DRC11: variants seen among roughly 807,000 people sequenced by gnomAD.
DRC11 encodes the protein IQ and AAA domain-containing protein 1.
chr2:236,366,733 A>T, the DRC11 span, among the ~76,000 whole-genome samples: 1 of 141,028 alleles, frequency 7.1e-6, no homozygotes, highest in Non-Finnish European at 1.6e-5. Context: ...TCCCTTCCAA[A>T]CTTGTTGGCT....
chr2:236,484,789 G>A, the DRC11 span, among the ~76,000 whole-genome samples: 13 of 152,088 alleles, frequency 8.5e-5, no homozygotes, highest in South Asian at 2.1e-4. Context: ...CTTTTCTTTC[G>A]TTAGCATGGA....
the DRC11 span, among the ~76,000 whole-genome samples, chr2:236,443,977 G>A: frequency 7.1e-6 from 1 of 140,516 alleles, no homozygotes; most frequent in Non-Finnish European, 1.5e-5. This position sits in a 1 kb window ranked among gnomAD's most constrained non-coding sequence, Gnocchi z 4.4. Flanking sequence ...TTGGCCACAT[G>A]AATTTTTTTT....
chr2:236,365,777 A>G, the DRC11 span, among the ~76,000 whole-genome samples: 2 of 152,138 alleles, frequency 1.3e-5, no homozygotes, highest in Non-Finnish European at 2.9e-5. This position sits in a 1 kb window ranked among gnomAD's most constrained non-coding sequence, Gnocchi z 7.4. Context: ...GGCTGACCTC[A>G]GGGAGGACAA....
chr2:236,437,530 A>T, the DRC11 span, among the ~76,000 whole-genome samples: 1 of 151,388 alleles, frequency 6.6e-6, no homozygotes, highest in African/African-American at 2.4e-5. Flanking sequence ...GACTTCCACA[A>T]TGGTTGAACT....
At chr2:236,399,418 T>A in the DRC11 span, 1 of 1,613,696 alleles carries the variant, frequency 6.2e-7, no homozygotes, top group Non-Finnish European at 8.5e-7. This position sits in a 1 kb window ranked among gnomAD's most constrained non-coding sequence, Gnocchi z 7.0. Flanking sequence ...CTGACCTTTG[T>A]ATGCGTTACA....
At chr2:236,473,286 A>G in the DRC11 span, among the ~76,000 whole-genome samples, 5 of 152,200 alleles carry the variant, frequency 3.3e-5, no homozygotes, top group African/African-American at 1.2e-4. This position sits in a 1 kb window ranked among gnomAD's most constrained non-coding sequence, Gnocchi z 4.8. Context: ...ACAAAAGCAC[A>G]ATTACAATAT....
At chr2:236,471,873 A>G in the DRC11 span, among the ~76,000 whole-genome samples, 5 of 152,288 alleles carry the variant, frequency 3.3e-5, no homozygotes, top group East Asian at 9.6e-4. This position sits in a 1 kb window ranked among gnomAD's most constrained non-coding sequence, Gnocchi z 4.6. Flanking sequence ...CTCATATTAG[A>G]TAAGTAAACA....
the DRC11 span, among the ~76,000 whole-genome samples, chr2:236,433,344 G>A: frequency 6.6e-6 from 1 of 152,188 alleles, no homozygotes; most frequent in Non-Finnish European, 1.5e-5. Flanking sequence ...TATAGATGAT[G>A]TTTAGGAGTC....
the DRC11 span, chr2:236,419,155 T>G: frequency 8.6e-6 from 13 of 1,519,552 alleles, no homozygotes; most frequent in Non-Finnish European, 1.1e-5. The surrounding 1 kb of genome is among the most constrained non-coding windows in gnomAD (Gnocchi z 4.8). Flanking sequence ...TTACCTTATT[T>G]TTCTCCTTTG....
the DRC11 span, among the ~76,000 whole-genome samples, chr2:236,365,646 G>A: frequency 6.6e-6 from 1 of 152,084 alleles, no homozygotes; most frequent in Non-Finnish European, 1.5e-5. This position sits in a 1 kb window ranked among gnomAD's most constrained non-coding sequence, Gnocchi z 7.4. Flanking sequence ...GCAGGTGAGT[G>A]GACCCGGGAG....
At chr2:236,421,431 C>T in the DRC11 span, among the ~76,000 whole-genome samples, 524 of 152,204 alleles carry the variant, frequency 3.4e-3, 5 homozygotes, top group African/African-American at 0.012. Flanking sequence ...ACTATAAACA[C>T]CTTTATGCAA....
the DRC11 span, among the ~76,000 whole-genome samples, chr2:236,390,280 G>A: frequency 6.6e-6 from 1 of 152,162 alleles, no homozygotes; most frequent in Non-Finnish European, 1.5e-5. This position sits in a 1 kb window ranked among gnomAD's most constrained non-coding sequence, Gnocchi z 5.9. Context: ...TCTAAGTATA[G>A]CCATTTCTTC....
the DRC11 span, among the ~76,000 whole-genome samples, chr2:236,445,519 T>C: frequency 6.6e-6 from 1 of 151,674 alleles, no homozygotes; most frequent in Non-Finnish European, 1.5e-5. The surrounding 1 kb of genome is among the most constrained non-coding windows in gnomAD (Gnocchi z 4.8). Flanking sequence ...TTTGTATTTT[T>C]TGTAGAGATA....
the DRC11 span, among the ~76,000 whole-genome samples, chr2:236,341,114 A>G: frequency 6.6e-6 from 1 of 152,256 alleles, no homozygotes; most frequent in East Asian, 1.9e-4. Flanking sequence ...CCACGCAGCA[A>G]TTTCAATTTG....
chr2:236,404,580 A>C, the DRC11 span, among the ~76,000 whole-genome samples: 2 of 152,232 alleles, frequency 1.3e-5, no homozygotes, highest in Non-Finnish European at 2.9e-5. Flanking sequence ...TGGTGGAGCC[A>C]CGGCCGGTAA....
At chr2:236,309,003 T>G in the DRC11 span, among the ~76,000 whole-genome samples, 1 of 152,194 alleles carries the variant, frequency 6.6e-6, no homozygotes, top group Admixed American at 6.5e-5. This position sits in a 1 kb window ranked among gnomAD's most constrained non-coding sequence, Gnocchi z 5.7. Flanking sequence ...TAAGCCAAAG[T>G]CTTTCTCTTC....
At chr2:236,459,700 T>C in the DRC11 span, among the ~76,000 whole-genome samples, 1 of 148,276 alleles carries the variant, frequency 6.7e-6, no homozygotes, top group African/African-American at 2.5e-5. Context: ...TATATACATA[T>C]ATACGTATAT....
the DRC11 span, among the ~76,000 whole-genome samples, chr2:236,326,525 G>A: frequency 0.29 from 43,734 of 151,950 alleles, 8,739 homozygotes; most frequent in African/African-American, 0.58. Flanking sequence ...TATACTGATT[G>A]CCATATTTTT....
chr2:236,416,720 TTTATATATA>T, the DRC11 span, among the ~76,000 whole-genome samples: 3 of 58,380 alleles, frequency 5.1e-5, no homozygotes, highest in Non-Finnish European at 9.9e-5. Flanking sequence ...TATATATATA[TTTATATATA>T]TATATATATA....
Sources: allele counts gnomAD v4.1 joint callset (sites outside exome capture counted in the v4.1 genomes callset), GRCh38; gene constraint gnomAD v4.1.1; non-coding constraint Gnocchi (gnomAD v3.1); transcripts MANE v1.5; gene names NCBI Gene and HGNC (gene_info 2026-07-23, HGNC 2026-07-21).